The following CWC22 variants were observed in gnomAD, a reference collection of about 807,000 sequenced individuals.
The protein encoded by CWC22 is pre-mRNA-splicing factor CWC22 homolog.
CWC22 carries 53 observed loss-of-function variants against 117.2 expected under a neutral mutation model. The observed-to-expected ratio is 0.45, with a 90% CI of 0.36 to 0.57. The LOEUF is 0.57. CWC22 is among the 20% of genes least tolerant of loss of function. The pLI is 0.00. For synonymous variants in CWC22, 360 were observed against 355.6 expected, an observed-to-expected ratio of 1.01 and a Z score of -0.14; for missense variants, 980 against 1,068.8, an observed-to-expected ratio of 0.92 and a Z score of 1.16.
intron 11 of CWC22, among the ~76,000 whole-genome samples, chr2:179,967,912 T>C (rs1359068876): frequency 6.6e-6 from 1 of 152,178 alleles, no homozygotes; most frequent in Non-Finnish European, 1.5e-5. Flanking sequence ...AAACTGAGAC[T>C]GTCACTTTGG....
chr2:179,987,460 CTG>C (rs146325376), intron 3 of CWC22, among the ~76,000 whole-genome samples: 12 of 151,266 alleles, frequency 7.9e-5, no homozygotes, highest in African/African-American at 1.2e-4. Flanking sequence ...ACACAAATAC[CTG>C]TGTGTGTGTG....
intron 11 of CWC22, 86 bp downstream of exon 11, chr2:179,970,415 C>A: frequency 8.0e-7 from 1 of 1,246,062 alleles, no homozygotes; most frequent in Non-Finnish European, 1.1e-6. Context: ...AGGTGGGGAT[C>A]TCTAAATATT....
intron 3 of CWC22, 125 bp downstream of exon 3, chr2:179,988,452 A>G: frequency 1.7e-6 from 1 of 580,626 alleles, no homozygotes; most frequent in Non-Finnish European, 3.1e-6. Context: ...CATTCAAGTA[A>G]TATTGGTTAT....
intron 14 of CWC22, among the ~76,000 whole-genome samples, chr2:179,955,261 A>G (rs189658661): frequency 9.9e-5 from 15 of 152,160 alleles, no homozygotes; most frequent in Non-Finnish European, 4.4e-5. Flanking sequence ...TACATTAATT[A>G]TAAAATTCTA....
chr2:179,991,559 G>A (rs1175923182), intron 2 of CWC22, among the ~76,000 whole-genome samples: 2 of 152,158 alleles, frequency 1.3e-5, no homozygotes, highest in Non-Finnish European at 2.9e-5. Flanking sequence ...AGACCCATCT[G>A]GGCCACAAGA....
chr2:180,004,855 GAAT>G (rs1038645630), intron 1 of CWC22, among the ~76,000 whole-genome samples: 5 of 152,064 alleles, frequency 3.3e-5, no homozygotes, highest in African/African-American at 7.2e-5. Context: ...GGATGTGGTG[GAAT>G]AATAATAAAT....
chr2:179,995,826 G>A (rs910893048), intron 1 of CWC22, among the ~76,000 whole-genome samples: 4 of 152,152 alleles, frequency 2.6e-5, no homozygotes, highest in African/African-American at 7.2e-5. Context: ...ACGCAAGGGT[G>A]GCTAAAACTG....
intron 14 of CWC22, among the ~76,000 whole-genome samples, chr2:179,957,257 A>C (rs1398559029): frequency 1.3e-5 from 2 of 152,198 alleles, no homozygotes; most frequent in African/African-American, 4.8e-5. Context: ...CACTATTACT[A>C]ATATACCAAT....
At chr2:180,003,284 T>C (rs993154518) in intron 1 of CWC22, among the ~76,000 whole-genome samples, 5 of 152,216 alleles carry the variant, frequency 3.3e-5, no homozygotes, top group Admixed American at 2.6e-4. Flanking sequence ...AAAAAAATAC[T>C]AGTTCCTTTG....
Position 179,981,766 on chromosome 2 carries a change from A to T in CWC22, c.438T>A (p.Ile146=). ...PAKLRMMQEQ[I]TDKNSLAYQR... ...TATAAACATGCCTGTTTTTATCTGT[A>T]ATCTGTTCCTGCATCATCCTGAGCT... The change falls in exon 5 of 20, where the codon ATT becomes ATA. Residue 146 remains isoleucine, a synonymous_variant. Transcript: ENST00000410053. The T allele has an allele frequency of 6.2e-7, 1 of 1,613,364 alleles. No individual in the cohort carries two copies. The highest frequency in any genetic ancestry group is 1.1e-5 in the South Asian group (1 of 91,072).
intron 19 of CWC22, among the ~76,000 whole-genome samples, chr2:179,948,503 GA>G (rs964089136): frequency 1.3e-5 from 2 of 152,096 alleles, no homozygotes; most frequent in African/African-American, 4.8e-5. Context: ...TTTTCACAGA[GA>G]AAAATAGTTT....
chr2:180,002,482 T>C (rs1371629180), intron 1 of CWC22, among the ~76,000 whole-genome samples: 2 of 151,680 alleles, frequency 1.3e-5, no homozygotes, highest in East Asian at 1.9e-4. Context: ...TAAAAGAAGA[T>C]GAAAAAAGAA....
At chr2:179,958,096 C>T (rs949068756) in intron 14 of CWC22, among the ~76,000 whole-genome samples, 1 of 151,708 alleles carries the variant, frequency 6.6e-6, no homozygotes, top group Non-Finnish European at 1.5e-5. Context: ...CTTGGGAGGC[C>T]GAGGCAGGCA....
intron 6 of CWC22, 131 bp from the exon 7 acceptor site, chr2:179,973,933 G>C (rs974828656): frequency 2.2e-6 from 1 of 460,924 alleles, no homozygotes; most frequent in Non-Finnish European, 3.7e-6. Flanking sequence ...TAACTGGAAA[G>C]AGTTTGTCTT....
chr2:179,981,573 A>C (rs1209838029), intron 5 of CWC22, among the ~76,000 whole-genome samples, 179 bp downstream of exon 5: 3 of 152,252 alleles, frequency 2.0e-5, no homozygotes, highest in Non-Finnish European at 2.9e-5. Flanking sequence ...ATGTGCTAAT[A>C]TAAGGGCACG....
intron 11 of CWC22, 138 bp downstream of exon 11, chr2:179,970,363 G>C (rs2105527298): frequency 2.1e-6 from 2 of 947,996 alleles, no homozygotes; most frequent in Non-Finnish European, 1.5e-6. Context: ...AATGCCCGAG[G>C]AAACAGCTAA....
rs1686261587 is a variant in CWC22 at position 179,945,282 on chromosome 2, A to G, written c.2574T>C (p.Asn858=). The G allele has an allele frequency of 6.2e-7, 1 of 1,613,466 alleles. No homozygotes were observed. Among genetic ancestry groups the G allele is most frequent in the Non-Finnish European group, 8.5e-7 (1 of 1,179,710 alleles). The change falls in exon 20 of 20, where the codon AAT becomes AAC. Residue 858 remains asparagine (N), a synonymous_variant. Coordinates refer to ENST00000410053, the MANE Select transcript of CWC22 (RefSeq NM_020943.3). ...CACTTCTTGAGCCTGAGTGCTTTCT[A>G]TTCATTTCCTTTGACTTTGATCTAT... ...RKDRSKSKEM[N]RKHSGSRSDE... is the part of the protein sequence containing the mutation.
At chr2:179,952,304 G>A (rs1275762834) in intron 17 of CWC22, among the ~76,000 whole-genome samples, 167 bp downstream of exon 17, 1 of 152,036 alleles carries the variant, frequency 6.6e-6, no homozygotes, top group Non-Finnish European at 1.5e-5. Flanking sequence ...ACTAAAAGTT[G>A]CATGTTGTCC....
At position 180,007,221 on chromosome 2, in the gene CWC22, T is replaced by C. The variant is rs1252389619; in HGVS notation, c.-468A>G. The C allele has an allele frequency of 1.3e-5, 2 of 152,234 alleles. No homozygotes were observed. Among genetic ancestry groups the C allele is most frequent in the African/African-American group, 4.8e-5 (2 of 41,452 alleles). The allele number at this position is 152,234 out of a possible 1,614,324, so 9.4% of individuals were successfully genotyped here. On this transcript the variant is annotated 5_prime_UTR_variant, in exon 1 of 20. The change creates a new upstream start codon in the 5' untranslated region. Coordinates refer to ENST00000410053, the MANE Select transcript of CWC22 (RefSeq NM_020943.3). ...TCCCTTTAATTTATTTCAAATACCA[T>C]ATCATAATACCAGAGTCAAAGTAGT...
Sources: allele counts gnomAD v4.1 joint callset (sites outside exome capture counted in the v4.1 genomes callset), GRCh38; gene constraint gnomAD v4.1.1; transcripts MANE v1.5; gene names NCBI Gene and HGNC (gene_info 2026-07-23, HGNC 2026-07-21).